C2orf49: variants seen among roughly 807,000 people sequenced by gnomAD.
C2orf49 encodes the protein tRNA-splicing ligase complex subunit ASW.
A neutral mutation model predicts 20.6 loss-of-function variants in C2orf49; 11 were observed. The observed-to-expected ratio is 0.53, with a 90% CI of 0.34 to 0.88. C2orf49 has a LOEUF of 0.88. Ranked by LOEUF, C2orf49 falls within the 40% of genes least tolerant of loss-of-function variation. C2orf49 has a pLI of 0.02. For synonymous variants in C2orf49, 134 were observed against 108.5 expected (o/e 1.24, Z -1.46); for missense variants, 289 against 274.2 (o/e 1.05, Z -0.38).
At chr2:105,377,811 T>G in the C2orf49 span, 2 of 338,308 alleles carry the variant, frequency 5.9e-6, no homozygotes, top group African/African-American at 4.3e-5. Context: ...ACAAGAGACC[T>G]GAAGGAGTAG....
At chr2:105,372,749 A>G in the C2orf49 span, among the ~76,000 whole-genome samples, 1 of 151,900 alleles carries the variant, frequency 6.6e-6, no homozygotes, top group African/African-American at 2.4e-5. Context: ...AGATTGCACC[A>G]CTGAACCACA....
rs1332346721 is a variant in C2orf49, at chr2:105,343,021, C to T, written c.440C>T (p.Ser147Leu). 6 of 1,614,094 alleles carry T rather than the reference C, an allele frequency of 3.7e-6. No homozygotes were observed. The highest frequency in any genetic ancestry group is 2.2e-5 in the East Asian group (1 of 44,896). Reference protein sequence around the residue: ...NAFRKLSNSSSSVSPLILSSN... With the variant: ...NAFRKLSNSSLSVSPLILSSN... ...TTTAGAAAATTATCAAATTCCTCTTCGAGTGTTTCACCCCTAATTTTGTCT... is the reference window on the plus strand; with the variant it reads ...TTTAGAAAATTATCAAATTCCTCTTTGAGTGTTTCACCCCTAATTTTGTCT... Residue 147 changes from serine (S) to leucine (L), a missense_variant, in exon 3 of 4, where the codon TCG (serine) becomes TTG (leucine). Transcript: ENST00000258457.
intron 2 of C2orf49, among the ~76,000 whole-genome samples, chr2:105,341,035 A>G (rs1353353264): frequency 6.6e-6 from 1 of 152,248 alleles, no homozygotes; most frequent in Non-Finnish European, 1.5e-5. Flanking sequence ...ATACACACAC[A>G]GTCTGACCTT....
At chr2:105,365,586 G>A in the C2orf49 span, among the ~76,000 whole-genome samples, 1 of 151,422 alleles carries the variant, frequency 6.6e-6, no homozygotes, top group Admixed American at 6.6e-5. Flanking sequence ...TAAAATAAAA[G>A]CAGGAATGAG....
the C2orf49 span, chr2:105,378,249 C>T: frequency 3.0e-5 from 14 of 463,062 alleles, no homozygotes; most frequent in Admixed American, 2.1e-4. Flanking sequence ...TTCATTGACA[C>T]GTGACACTTG....
At chr2:105,381,523 G>A in the C2orf49 span, among the ~76,000 whole-genome samples, 1 of 152,124 alleles carries the variant, frequency 6.6e-6, no homozygotes, top group South Asian at 2.1e-4. Context: ...TCACTGCTGA[G>A]CGCTGTGCAC....
the C2orf49 span, chr2:105,373,867 T>G: frequency 2.7e-6 from 2 of 743,692 alleles, no homozygotes; most frequent in Admixed American, 4.6e-5. Context: ...GCACCCACAT[T>G]CATGCCCCAG....
intron 2 of C2orf49, among the ~76,000 whole-genome samples, chr2:105,342,126 C>T (rs941635945): frequency 5.3e-4 from 81 of 152,340 alleles, no homozygotes; most frequent in African/African-American, 1.9e-3. Context: ...GAGCCGAGAT[C>T]GCGCCATCGC....
chr2:105,373,387 C>A, the C2orf49 span: 1,303 of 673,172 alleles, frequency 1.9e-3, 15 homozygotes, highest in African/African-American at 0.021. Flanking sequence ...CATGATAGAA[C>A]CTGTATGTCC....
the C2orf49 span, chr2:105,359,055 A>G: frequency 6.6e-6 from 1 of 152,164 alleles, no homozygotes; most frequent in Non-Finnish European, 1.5e-5. Context: ...TCTTCTTCCA[A>G]GTGTCTACTG....
At chr2:105,366,275 C>G in the C2orf49 span, among the ~76,000 whole-genome samples, 3,866 of 152,146 alleles carry the variant, frequency 0.025, 177 homozygotes, top group African/African-American at 0.089. Context: ...ATACTCAGCA[C>G]TTAGAAAAGG....
chr2:105,339,786 T>C (rs747791291), intron 2 of C2orf49, 37 bp downstream of exon 2: 12 of 1,506,638 alleles, frequency 8.0e-6, no homozygotes, highest in African/African-American at 4.3e-5. Context: ...ATTTATCTTA[T>C]ATAACTAAAG....
At chr2:105,383,170 G>A in the C2orf49 span, among the ~76,000 whole-genome samples, 253 of 152,336 alleles carry the variant, frequency 1.7e-3, no homozygotes, top group African/African-American at 5.6e-3. Flanking sequence ...ACAGGCGTGG[G>A]CCACTGTGCC....
intron 3 of C2orf49, 138 bp downstream of exon 3, chr2:105,343,361 C>A: frequency 1.4e-6 from 1 of 702,348 alleles, no homozygotes; most frequent in Non-Finnish European, 2.2e-6. Flanking sequence ...TTGTATAATA[C>A]AACTTATTAC....
the C2orf49 span, chr2:105,363,230 A>G: frequency 3.9e-6 from 6 of 1,555,716 alleles, no homozygotes; most frequent in Non-Finnish European, 5.3e-6. Context: ...CTAAAATGCT[A>G]GGCCTTGTTC....
the C2orf49 span, among the ~76,000 whole-genome samples, chr2:105,365,633 G>A: frequency 6.6e-6 from 1 of 150,778 alleles, no homozygotes; most frequent in African/African-American, 2.4e-5. Context: ...ACAGGAGTTT[G>A]TGACCAGTCT....
rs1002452377 is a variant in C2orf49 at position 105,348,758 on chromosome 2, A to C, written c.*3387A>C. ...TATCCTTATTTAAATAAACAGAATAAAATTACCTTGAGTAGGTCTGTTATT... is the reference window on the plus strand; with the variant it reads ...TATCCTTATTTAAATAAACAGAATACAATTACCTTGAGTAGGTCTGTTATT... On this transcript the variant is annotated 3_prime_UTR_variant, in exon 4 of 4. Coordinates refer to ENST00000258457, the MANE Select transcript of C2orf49 (RefSeq NM_024093.3). 1 of 152,170 alleles carries C rather than the reference A, an allele frequency of 6.6e-6. No individual in the cohort carries two copies. The highest frequency in any genetic ancestry group is 2.4e-5 in the African/African-American group (1 of 41,446). The allele number at this position is 152,170 out of a possible 1,614,324, so 9.4% of individuals were successfully genotyped here. A position where few individuals can be genotyped will look rare whatever the true frequency, so the allele number is the denominator to read the frequency against.
In C2orf49 at chr2:105,347,310, AG is replaced by A. The variant is rs935557296; in HGVS notation, c.*1940del. 1.3e-5 allele frequency: 2 copies of A among 152,246 alleles called. No individual in the cohort carries two copies. The highest frequency in any genetic ancestry group is 4.8e-5 in the African/African-American group (2 of 41,460). 9.4% of individuals were successfully genotyped at this position (152,246 alleles called of 1,614,324 possible). ...ATTTTAAAAGTGCAGATTATAGAGT[AG>A]ATTGACAAATTTTATTTTATATTCA... On this transcript the variant is annotated 3_prime_UTR_variant, in exon 4 of 4. Transcript: ENST00000258457.
chr2:105,373,453 C>G, the C2orf49 span: 1 of 1,250,310 alleles, frequency 8.0e-7, no homozygotes, highest in Non-Finnish European at 1.2e-6. Flanking sequence ...ACTGGAAAGT[C>G]AACACGAGTG....
Sources: gnomAD v4.1 joint callset for allele counts (sites outside exome capture counted in the v4.1 genomes callset) on GRCh38, gnomAD v4.1.1 for gene constraint, MANE v1.5 for transcripts, NCBI Gene and HGNC (gene_info 2026-07-23, HGNC 2026-07-21) for gene names.